ANKK1: variants seen among roughly 807,000 people sequenced by gnomAD.
ANKK1 encodes the protein ankyrin repeat and protein kinase domain-containing protein 1.
Under a neutral mutation model 37.6 loss-of-function variants are expected in ANKK1, and 37 were observed. That is an observed-to-expected ratio of 0.98 (90% CI 0.76 to 1.29). ANKK1 has a LOEUF of 1.29. Among genes scored for constraint, ANKK1 ranks in the 50% most tolerant of loss-of-function variants. ANKK1 has a pLI of 0.00. For missense variants in ANKK1, 1,019 were observed against 990.6 expected (o/e 1.03, Z -0.39); for synonymous variants, 415 against 418.7 (o/e 0.99, Z 0.11).
At position 113,394,916 on chromosome 11, in the gene ANKK1, T is replaced by C; in HGVS notation, c.481-13T>C. 9.3e-6 allele frequency: 15 copies of C among 1,604,306 alleles called. No individual in the cohort carries two copies. The highest frequency in any genetic ancestry group is 1.1e-5 in the Non-Finnish European group (13 of 1,172,846). On this transcript the variant is annotated splice_polypyrimidine_tract_variant and intron_variant, in intron 2 of 7. Coordinates refer to ENST00000303941, the MANE Select transcript of ANKK1 (RefSeq NM_178510.2). The stretch of plus-strand genomic sequence containing the variant: ...TCTATCACGGCTTTATCTCTGCCCC[T>C]GCCTTCTCCCAGATTTCAGACTTCG...
At chr11:113,398,047 G>T in intron 7 of ANKK1, 31 bp downstream of exon 7, 1 of 1,561,150 alleles carries the variant, frequency 6.4e-7, no homozygotes, top group Non-Finnish European at 8.7e-7. Context: ...CGGGACCAGA[G>T]AACTCACAGC....
chr11:113,397,923 C>G, intron 6 of ANKK1, 57 bp from the exon 7 acceptor site: 3 of 1,539,260 alleles, frequency 1.9e-6, no homozygotes, highest in Non-Finnish European at 2.6e-6. Flanking sequence ...GGGAGGAGGG[C>G]ACAGGCTAGA....
In ANKK1 at chr11:113,400,371, A is replaced by G; in HGVS notation, c.*104A>G. Reference sequence around the variant, plus strand: ...CAAGAGTTTGAGGCCAGCCTGGCCAACATGGCAAAACCCTGTCTCTGCTAA... The same window carrying G: ...CAAGAGTTTGAGGCCAGCCTGGCCAGCATGGCAAAACCCTGTCTCTGCTAA... On this transcript the variant is annotated 3_prime_UTR_variant, in exon 8 of 8. Coordinates refer to ENST00000303941, the MANE Select transcript of ANKK1 (RefSeq NM_178510.2). 1 of 1,160,908 alleles carries G rather than the reference A, an allele frequency of 8.6e-7. No homozygotes were observed. The allele number at this position is 1,160,908 out of a possible 1,614,324, so 71.9% of individuals were successfully genotyped here.
At chr11:113,392,039 G>T (rs1430195338) in intron 1 of ANKK1, among the ~76,000 whole-genome samples, 1 of 152,214 alleles carries the variant, frequency 6.6e-6, no homozygotes, top group Non-Finnish European at 1.5e-5. Context: ...GGGAGTGCAG[G>T]TACCAGAAAC....
At chr11:113,394,794 T>G (rs774312122) in intron 2 of ANKK1, 135 bp from the exon 3 acceptor site, 9 of 1,220,920 alleles carry the variant, frequency 7.4e-6, no homozygotes, top group Non-Finnish European at 1.1e-5. Context: ...TAAGTGGTAG[T>G]GCTAGGAGGG....
intron 5 of ANKK1, among the ~76,000 whole-genome samples, chr11:113,396,452 G>T (rs1384308277): frequency 6.6e-6 from 1 of 150,664 alleles, no homozygotes; most frequent in African/African-American, 2.4e-5. Flanking sequence ...ATATCCTCCC[G>T]CCTCAGCCTC....
Position 113,400,214 on chromosome 11 carries a change from C to T in ANKK1, c.2245C>T (p.Pro749Ser). Residue 749 changes from proline to serine, a missense_variant, in exon 8 of 8, where the codon CCG becomes TCG. By Grantham distance (74) the Pro-to-Ser change is moderately conservative. Coordinates refer to ENST00000303941, the MANE Select transcript of ANKK1 (RefSeq NM_178510.2). ...GIMSFLEGKE[P>S]SVATLGGSKP... is the part of the protein sequence containing the mutation. Reference sequence around the variant, plus strand: ...CATGTCCTTCCTAGAGGGCAAGGAGCCGTCAGTGGCCACTCTGGGTGGTTC... The same window carrying T: ...CATGTCCTTCCTAGAGGGCAAGGAGTCGTCAGTGGCCACTCTGGGTGGTTC... 1 of 1,552,812 alleles carries T rather than the reference C, an allele frequency of 6.4e-7. No homozygotes were observed. The highest frequency in any genetic ancestry group is 8.7e-7 in the Non-Finnish European group (1 of 1,148,618).
chr11:113,400,228 T>C lies in ANKK1; in HGVS notation c.2259T>C (p.Thr753=), dbSNP rs1950692703. 1 of 1,550,202 alleles carries C rather than the reference T, an allele frequency of 6.5e-7. No individual in the cohort carries two copies. Among genetic ancestry groups the C allele is most frequent in the Non-Finnish European group, 8.7e-7 (1 of 1,147,218 alleles). The part of the protein sequence containing the change: ...FLEGKEPSVA[T]LGGSKPGAEM... Reference sequence around the variant, plus strand: ...AGGGCAAGGAGCCGTCAGTGGCCACTCTGGGTGGTTCTAAGCCAGGAGCCG... The same window carrying C: ...AGGGCAAGGAGCCGTCAGTGGCCACCCTGGGTGGTTCTAAGCCAGGAGCCG... Residue 753 remains threonine (T), a synonymous_variant, in exon 8 of 8, where the codon ACT becomes ACC. Transcript: ENST00000303941.
intron 1 of ANKK1, 57 bp from the exon 2 acceptor site, chr11:113,393,424 G>A: frequency 6.5e-7 from 1 of 1,535,592 alleles, no homozygotes; most frequent in Non-Finnish European, 8.9e-7. Context: ...TGTTCAGCTG[G>A]TTGCTGTAGT....
Position 113,390,298 on chromosome 11 carries a change from G to A in ANKK1, c.185+2229G>A, listed in dbSNP as rs540311663. ...AGACTATGAAAAGAGGCCTAGACTT[G>A]GAGAGGAAGATCATGAGTTCAGCTT... On this transcript the variant is annotated intron_variant, in intron 1 of 7. Transcript: ENST00000303941. Among the ~76,000 whole-genome samples, 5 of 152,318 alleles carry A rather than the reference G, an allele frequency of 3.3e-5. No homozygotes were observed. In the South Asian group the frequency reaches 8.3e-4, roughly 25 times the overall value.
chr11:113,387,881 G>A lies in ANKK1; in HGVS notation c.-4G>A, dbSNP rs1205480198. On this transcript the variant is annotated 5_prime_UTR_variant, in exon 1 of 8. Coordinates refer to ENST00000303941, the MANE Select transcript of ANKK1 (RefSeq NM_178510.2). ...CGCGGCGCGGGGACAGGAAGAGAGG[G>A]GCAATGGCTGCCGACCCCACCGAGC... The A allele has an allele frequency of 2.0e-6, 3 of 1,536,796 alleles. No individual in the cohort carries two copies. The highest frequency in any genetic ancestry group is 2.6e-6 in the Non-Finnish European group (3 of 1,143,510).
chr11:113,399,874 C>A lies in ANKK1; in HGVS notation c.1905C>A (p.Arg635=). The A allele has an allele frequency of 1.2e-6, 2 of 1,613,172 alleles. No individual in the cohort carries two copies. Among genetic ancestry groups the A allele is most frequent in the Non-Finnish European group, 1.7e-6 (2 of 1,179,766 alleles). The change falls in exon 8 of 8, where the codon CGC becomes CGA. Residue 635 remains arginine (R), a synonymous_variant. Coordinates refer to ENST00000303941, the MANE Select transcript of ANKK1 (RefSeq NM_178510.2). ...GGACTCCCCTGCACCTAGCTGCACGCCACGGGGAGGAGGCGGTGGTGTCAG... is the reference window on the plus strand; with the variant it reads ...GGACTCCCCTGCACCTAGCTGCACGACACGGGGAGGAGGCGGTGGTGTCAG... ...VNWTPLHLAA[R]HGEEAVVSAL...
rs756412729 is a variant in ANKK1 at position 113,399,071 on chromosome 11, T to C, written c.1102T>C (p.Phe368Leu). Residue 368 changes from phenylalanine to leucine, a missense_variant, in exon 8 of 8, where the codon TTC becomes CTC. Phe to Leu is a conservative substitution (Grantham distance 22). Coordinates refer to ENST00000303941, the MANE Select transcript of ANKK1 (RefSeq NM_178510.2). ...IYENKVTPLH[F>L]LVAQGSVEQV... ...TGAGAACAAGGTCACCCCCCTCCAC[T>C]TCCTGGTGGCCCAGGGCAGTGTGGA... 1 of 1,602,188 alleles carries C rather than the reference T, an allele frequency of 6.2e-7. No homozygotes were observed.
chr11:113,395,500 G>T (rs181290878), intron 4 of ANKK1, 92 bp downstream of exon 4: 6 of 1,386,622 alleles, frequency 4.3e-6, no homozygotes, highest in South Asian at 1.2e-5. Flanking sequence ...GGGTTGGGGG[G>T]GGTCAAGTTG....
At position 113,387,932 on chromosome 11, in the gene ANKK1, C is replaced by T. The variant is rs747222225; in HGVS notation, c.48C>T (p.Phe16=). ...TGCGGCTGGGCAGCCTCCCCGTCTT[C>T]ACCCGCGACGACTTCGAGGGCGACT... ...TELRLGSLPV[F]TRDDFEGDWR... is the part of the protein sequence containing the mutation. The change falls in exon 1 of 8, where the codon TTC becomes TTT. Residue 16 remains phenylalanine, a synonymous_variant. Coordinates refer to ENST00000303941, the MANE Select transcript of ANKK1 (RefSeq NM_178510.2). The T allele has an allele frequency of 1.3e-6, 2 of 1,571,964 alleles. No individual in the cohort carries two copies. The highest frequency in any genetic ancestry group is 1.3e-5 in the African/African-American group (1 of 74,214).
intron 1 of ANKK1, among the ~76,000 whole-genome samples, chr11:113,388,486 T>C (rs185694634): frequency 6.6e-6 from 1 of 152,122 alleles, no homozygotes; most frequent in Non-Finnish European, 1.5e-5. Flanking sequence ...CTGAGCATCC[T>C]GGGAGGCTGT....
chr11:113,396,342 CTTTTT>C, intron 5 of ANKK1, 120 bp downstream of exon 5: 33 of 830,892 alleles, frequency 4.0e-5, no homozygotes, highest in Non-Finnish European at 5.3e-5. Context: ...CCTAGAAGGA[CTTTTT>C]TTTTTTTTTT....
chr11:113,396,520 T>A (rs916099477), intron 5 of ANKK1, among the ~76,000 whole-genome samples: 1 of 151,884 alleles, frequency 6.6e-6, no homozygotes, highest in African/African-American at 2.4e-5. Context: ...AGATTTTTTT[T>A]AAGAGATGGG....
chr11:113,396,122 A>G lies in ANKK1; in HGVS notation c.738A>G (p.Leu246=), dbSNP rs753870135. Residue 246 remains leucine (L), a synonymous_variant, in exon 5 of 8, where the codon CTA becomes CTG. Coordinates refer to ENST00000303941, the MANE Select transcript of ANKK1 (RefSeq NM_178510.2). Reference sequence around the variant, plus strand: ...TGGCGGCAGGCATGCGGCCCTCCCTACAGCCTGTCTCTGACCAATGGCCAA... The same window carrying G: ...TGGCGGCAGGCATGCGGCCCTCCCTGCAGCCTGTCTCTGACCAATGGCCAA... ...IRVAAGMRPS[L]QPVSDQWPSE... 2 of 1,613,806 alleles carry G rather than the reference A, an allele frequency of 1.2e-6. No individual in the cohort carries two copies. The highest frequency in any genetic ancestry group is 2.2e-5 in the East Asian group (1 of 44,868).
Sources: gnomAD v4.1 joint callset for allele counts (sites outside exome capture counted in the v4.1 genomes callset) on GRCh38, gnomAD v4.1.1 for gene constraint, MANE v1.5 for transcripts, NCBI Gene and HGNC (gene_info 2026-07-23, HGNC 2026-07-21) for gene names.